Variants in MDGA2 observed in about 807,000 individuals in gnomAD.
MDGA2 encodes the protein MAM domain-containing glycosylphosphatidylinositol anchor protein 2.
In MDGA2, 40 loss-of-function variants were observed where a neutral mutation model predicts 117.8. The ratio of observed to expected loss-of-function variants is 0.34; its 90% CI spans 0.26 to 0.44. The LOEUF (loss-of-function observed/expected upper bound fraction) is 0.44, where lower values mean the gene tolerates loss of function less well. MDGA2 is among the 20% of genes least tolerant of loss of function. The pLI is 1.00. For missense variants in MDGA2, 1,123 were observed against 1,250.6 expected (o/e 0.90, Z 1.54); for synonymous variants, 452 against 439.0 (o/e 1.03, Z -0.37).
In MDGA2 at chr14:47,476,087, C is replaced by A. The variant is rs143686626; in HGVS notation, c.281-174537G>T. ...AAATCAATTTAACAAATTTTAATAG[C>A]TAAAAAGCATATATAAAAATGTTCA... On this transcript the variant is annotated intron_variant, in intron 1 of 16. Coordinates refer to ENST00000399232, the MANE Select transcript of MDGA2 (RefSeq NM_001113498.3). 3.6e-3 allele frequency among the ~76,000 whole-genome samples: 551 copies of A among 152,078 alleles called. 3 individuals carry two copies. Among genetic ancestry groups the A allele is most frequent in the African/African-American group, 0.013 (523 of 41,468 alleles).
chr14:47,121,664 T>G (rs1250410677), intron 5 of MDGA2, among the ~76,000 whole-genome samples: 3 of 152,104 alleles, frequency 2.0e-5, no homozygotes, highest in Non-Finnish European at 2.9e-5. Flanking sequence ...TGCCAGTTAC[T>G]ATAAACATAT....
At chr14:46,908,317 G>A (rs1883575558) in intron 10 of MDGA2, among the ~76,000 whole-genome samples, 1 of 152,048 alleles carries the variant, frequency 6.6e-6, no homozygotes, top group African/African-American at 2.4e-5. Context: ...TTTATCTTCT[G>A]CCACCTCTCT....
chr14:47,591,225 A>T (rs1896433085), intron 1 of MDGA2, among the ~76,000 whole-genome samples: 1 of 152,066 alleles, frequency 6.6e-6, no homozygotes, highest in Non-Finnish European at 1.5e-5. Flanking sequence ...AAATTCTGGG[A>T]TTGTACATCT....
intron 1 of MDGA2, among the ~76,000 whole-genome samples, chr14:47,539,272 T>C (rs181000492): frequency 2.1e-4 from 32 of 152,284 alleles, no homozygotes; most frequent in Non-Finnish European, 3.5e-4. Flanking sequence ...CCACCGGATG[T>C]TCCCATGCAG....
chr14:47,250,596 T>C (rs1168997232), intron 2 of MDGA2, among the ~76,000 whole-genome samples: 2 of 152,200 alleles, frequency 1.3e-5, no homozygotes, highest in Non-Finnish European at 2.9e-5. Flanking sequence ...TTCCACCATG[T>C]GAGAGGACAG....
chr14:46,877,462 C>T (rs750545174), intron 12 of MDGA2, 27 bp downstream of exon 12: 5 of 1,275,992 alleles, frequency 3.9e-6, no homozygotes, highest in South Asian at 1.5e-5. Flanking sequence ...AAATATAGTG[C>T]CATTTTGTAA....
rs546007327 is a variant in MDGA2, at chr14:47,662,405, A to ATG, written c.280+12110_280+12111dup. ...TGTGTGTATGTATATGCACATGTGC[A>ATG]TGTGTGTGTGTGTATCTTCTTTAGC... On this transcript the variant is annotated intron_variant, in intron 1 of 16. Coordinates refer to ENST00000399232, the MANE Select transcript of MDGA2 (RefSeq NM_001113498.3). 6.0e-4 allele frequency among the ~76,000 whole-genome samples: 92 copies of ATG among 152,114 alleles called. No individual in the cohort carries two copies. The East Asian group carries it at 0.017, about 28-fold the overall frequency.
chr14:47,483,448 C>T (rs1402728743), intron 1 of MDGA2, among the ~76,000 whole-genome samples: 1 of 152,074 alleles, frequency 6.6e-6, no homozygotes, highest in Admixed American at 6.6e-5. Context: ...CGTCCTGTCC[C>T]GTCATTCTCA....
At chr14:46,924,746 C>G (rs759830704) in intron 9 of MDGA2, among the ~76,000 whole-genome samples, 5 of 151,518 alleles carry the variant, frequency 3.3e-5, no homozygotes, top group Non-Finnish European at 7.4e-5. Context: ...TGACTCAAAA[C>G]AAGAACAAAT....
intron 1 of MDGA2, among the ~76,000 whole-genome samples, chr14:47,665,457 C>T (rs1222601406): frequency 1.3e-5 from 2 of 152,220 alleles, no homozygotes; most frequent in Non-Finnish European, 2.9e-5. Flanking sequence ...CAGTCCGCCG[C>T]TGCACCGTGG....
At chr14:47,080,946 C>A (rs1890688098) in intron 6 of MDGA2, among the ~76,000 whole-genome samples, 1 of 152,156 alleles carries the variant, frequency 6.6e-6, no homozygotes, top group African/African-American at 2.4e-5. Context: ...TGGTCAACTT[C>A]TTCAAATCAT....
chr14:47,059,122 G>T (rs1019129295), intron 7 of MDGA2: 49 of 991,042 alleles, frequency 4.9e-5, no homozygotes, highest in South Asian at 1.0e-4. Flanking sequence ...ACAATGGGAG[G>T]GGAGAAAACC....
intron 1 of MDGA2, among the ~76,000 whole-genome samples, chr14:47,640,297 TA>T (rs1566554250): frequency 6.6e-6 from 1 of 152,136 alleles, no homozygotes; most frequent in African/African-American, 2.4e-5. Context: ...TTTTTTCTTC[TA>T]AATGTCTCTT....
chr14:47,413,860 G>A lies in MDGA2; in HGVS notation c.281-112310C>T, dbSNP rs149161265. 1.2e-3 allele frequency among the ~76,000 whole-genome samples: 186 copies of A among 152,094 alleles called. 1 individual carries two copies. The highest frequency in any genetic ancestry group is 0.01 in the Middle Eastern group (3 of 292). ...GCTAATCAGCCATGGCAACAGCATGGTTAGAAATTTATTAGAATTAGAGGA... is the reference window on the plus strand; with the variant it reads ...GCTAATCAGCCATGGCAACAGCATGATTAGAAATTTATTAGAATTAGAGGA... On this transcript the variant is annotated intron_variant, in intron 1 of 16. Transcript: ENST00000399232.
chr14:47,161,332 T>A (rs1055135720), intron 3 of MDGA2, among the ~76,000 whole-genome samples: 2 of 152,122 alleles, frequency 1.3e-5, no homozygotes, highest in African/African-American at 2.4e-5. Flanking sequence ...TCTGTTTAAG[T>A]GCCTTCTAAA....
At chr14:47,054,163 C>T (rs1234792950) in intron 7 of MDGA2, among the ~76,000 whole-genome samples, 1 of 151,942 alleles carries the variant, frequency 6.6e-6, no homozygotes. Context: ...CCTTCACACA[C>T]AATCTGCAGA....
At chr14:47,265,719 T>C (rs1021860892) in intron 2 of MDGA2, among the ~76,000 whole-genome samples, 4 of 152,030 alleles carry the variant, frequency 2.6e-5, no homozygotes, top group African/African-American at 9.7e-5. Flanking sequence ...TGAAAACTCC[T>C]AGAGGAATCA....
intron 1 of MDGA2, among the ~76,000 whole-genome samples, chr14:47,348,719 A>G (rs1298812189): frequency 6.6e-6 from 1 of 152,212 alleles, no homozygotes; most frequent in Non-Finnish European, 1.5e-5. Context: ...AGACAAAGGC[A>G]GAGTGGAAAA....
chr14:46,898,090 A>C (rs892317190), intron 10 of MDGA2, among the ~76,000 whole-genome samples: 1 of 152,078 alleles, frequency 6.6e-6, no homozygotes, highest in African/African-American at 2.4e-5. Flanking sequence ...ATAACAAATA[A>C]ATGAAAAGAT....
Sources: allele counts gnomAD v4.1 joint callset (sites outside exome capture counted in the v4.1 genomes callset), GRCh38; gene constraint gnomAD v4.1.1; transcripts MANE v1.5; gene names NCBI Gene and HGNC (gene_info 2026-07-23, HGNC 2026-07-21).